The following EFCAB5 variants were observed in gnomAD, a reference collection of about 807,000 sequenced individuals.
EFCAB5 encodes the protein EF-hand calcium-binding domain-containing protein 5.
EFCAB5 carries 131 observed loss-of-function variants against 167.9 expected under a neutral mutation model. The observed-to-expected ratio is 0.78, with a 90% CI of 0.68 to 0.90. The LOEUF (loss-of-function observed/expected upper bound fraction) is 0.90, where lower values mean the gene tolerates loss of function less well. Among genes scored for constraint, EFCAB5 ranks in the 40% least tolerant of loss-of-function variants. The pLI, the probability that EFCAB5 is intolerant of heterozygous loss-of-function variation, is 0.00. For missense variants in EFCAB5, 1,663 were observed against 1,745.2 expected (o/e 0.95, Z 0.84); for synonymous variants, 574 against 602.8 (o/e 0.95, Z 0.70).
intron 7 of EFCAB5, among the ~76,000 whole-genome samples, chr17:30,011,231 G>C (rs8078405): frequency 0.17 from 25,430 of 152,168 alleles, 2,809 homozygotes; most frequent in Non-Finnish European, 0.24. Context: ...TTTGAAGTCA[G>C]GTAGCATGAT....
intron 14 of EFCAB5, among the ~76,000 whole-genome samples, chr17:30,066,735 T>G (rs2070582436): frequency 6.6e-6 from 1 of 151,832 alleles, no homozygotes; most frequent in Non-Finnish European, 1.5e-5. Context: ...AAAAAGTTGG[T>G]TTTGTAAAAG....
chr17:30,059,701 G>A lies in EFCAB5; in HGVS notation c.2737G>A (p.Ala913Thr), dbSNP rs770826543. ...EGMEKESMKK[A>T]KLHIQFPKPH... is the part of the protein sequence containing the mutation. ...AATGGAAAAAGAATCTATGAAGAAA[G>A]GTAAAATATAAGAATGTTCTTATTT... is the stretch of plus-strand genomic sequence containing the variant. Residue 913 changes from alanine (A) to threonine (T), a missense_variant and splice_region_variant, in exon 14 of 23, where the codon GCT (alanine) becomes ACT (threonine). Physicochemically the swap from Ala to Thr is moderately conservative, Grantham distance 58. Transcript: ENST00000394835. 5.0e-6 allele frequency: 8 copies of A among 1,586,660 alleles called. No homozygotes were observed. In the African/African-American group the frequency reaches 8.1e-5, roughly 16 times the overall value.
rs1390371357 is a variant in EFCAB5, at chr17:30,094,517, A to AAAAT, written c.4321+1584_4321+1585insTAAA. Among the ~76,000 whole-genome samples, 253 of 148,554 alleles carry AAAAT rather than the reference A, an allele frequency of 1.7e-3. 3 individuals carry two copies. Among genetic ancestry groups the AAAAT allele is most frequent in the Middle Eastern group, 7.2e-3 (2 of 278 alleles). ...AAAATCTTGTCTCTCCAAAAAAAAA[A>AAAAT]AAAAAAAAAAAAAAAAATAACTGGG... On this transcript the variant is annotated intron_variant, in intron 22 of 22. Transcript: ENST00000394835.
chr17:29,976,123 T>A (rs1411617388), intron 4 of EFCAB5, among the ~76,000 whole-genome samples: 1 of 152,212 alleles, frequency 6.6e-6, no homozygotes, highest in Non-Finnish European at 1.5e-5. Context: ...ATTTTGTCTG[T>A]AAACAAATAT....
intron 22 of EFCAB5, among the ~76,000 whole-genome samples, chr17:30,094,675 C>T (rs1293346489): frequency 6.6e-6 from 1 of 152,094 alleles, no homozygotes; most frequent in Non-Finnish European, 1.5e-5. Flanking sequence ...GAATGAGATC[C>T]TGTCTCAAAA....
At chr17:30,040,494 C>G (rs967527730) in intron 8 of EFCAB5, among the ~76,000 whole-genome samples, 4 of 152,170 alleles carry the variant, frequency 2.6e-5, no homozygotes, top group Non-Finnish European at 5.9e-5. Flanking sequence ...CCTTTTTACC[C>G]TGGCATTTCA....
At chr17:30,074,161 C>T (rs946765108) in intron 14 of EFCAB5, 10 of 152,232 alleles carry the variant, frequency 6.6e-5, no homozygotes, top group African/African-American at 2.2e-4. Context: ...GACAGAGTCT[C>T]ACTCTGTTGC....
At chr17:30,056,987 A>G (rs2070287567) in intron 12 of EFCAB5, among the ~76,000 whole-genome samples, 1 of 152,236 alleles carries the variant, frequency 6.6e-6, no homozygotes, top group Non-Finnish European at 1.5e-5. Flanking sequence ...TGAATGATTG[A>G]ATCAATGAAT....
At chr17:29,997,823 A>C (rs1455270534) in intron 6 of EFCAB5, among the ~76,000 whole-genome samples, 2 of 152,064 alleles carry the variant, frequency 1.3e-5, no homozygotes, top group Non-Finnish European at 2.9e-5. Context: ...AAATTCACCC[A>C]AAAATTTCCA....
chr17:30,010,877 G>A (rs1486024044), intron 7 of EFCAB5, among the ~76,000 whole-genome samples: 3 of 152,140 alleles, frequency 2.0e-5, no homozygotes, highest in Non-Finnish European at 4.4e-5. Context: ...TGAAGTCCTT[G>A]CCCATGCCTA....
chr17:30,097,728 T>C (rs1358756683), intron 22 of EFCAB5, among the ~76,000 whole-genome samples: 1 of 152,246 alleles, frequency 6.6e-6, no homozygotes, highest in African/African-American at 2.4e-5. Context: ...TTGTAGCATA[T>C]TTTGATTCCT....
At position 30,026,961 on chromosome 17, in the gene EFCAB5, CTTTTTTTTTTTTTTTTTTTTTTTTTTTTT is replaced by C. The variant is rs71138868; in HGVS notation, c.1045-7254_1045-7226del. Among the ~76,000 whole-genome samples the C allele has an allele frequency of 6.2e-5, 4 of 64,550 alleles. No individual in the cohort carries two copies. The South Asian group carries it at 2.3e-3, about 37-fold the overall frequency. The allele number at this position is 64,550 out of a possible 152,430, so 42.3% of individuals were successfully genotyped here. On this transcript the variant is annotated intron_variant, in intron 7 of 22. Coordinates refer to ENST00000394835, the MANE Select transcript of EFCAB5 (RefSeq NM_198529.4). Reference sequence around the variant, plus strand: ...ATGATTTCCTTGTACCTCCTTGTACCTTTTTTTTTTTTTTTTTTTTTTTTTTTTTTTTTTTTTTTTTTTGAGATGGAGTC... The same window carrying C: ...ATGATTTCCTTGTACCTCCTTGTACCTTTTTTTTTTTTTTGAGATGGAGTC...
chr17:29,951,049 G>A (rs2151535574), intron 3 of EFCAB5, among the ~76,000 whole-genome samples: 1 of 152,282 alleles, frequency 6.6e-6, no homozygotes, highest in East Asian at 1.9e-4. Context: ...CCCACCCAAA[G>A]CAGTTAATAA....
chr17:30,013,673 T>C (rs545565921), intron 7 of EFCAB5, among the ~76,000 whole-genome samples: 3 of 152,316 alleles, frequency 2.0e-5, no homozygotes, highest in Non-Finnish European at 4.4e-5. Context: ...TTTTATTGCG[T>C]CTATTTGATT....
chr17:30,018,410 G>A (rs1032986709), intron 7 of EFCAB5, among the ~76,000 whole-genome samples: 6 of 151,824 alleles, frequency 4.0e-5, no homozygotes, highest in Non-Finnish European at 8.8e-5. Flanking sequence ...TTGGTATAGA[G>A]CATTTTGTTT....
chr17:29,963,435 G>A (rs1043108212), intron 3 of EFCAB5, among the ~76,000 whole-genome samples: 1 of 152,044 alleles, frequency 6.6e-6, no homozygotes, highest in East Asian at 1.9e-4. Context: ...TTTTACTATG[G>A]TCTTGGATTT....
At chr17:30,104,806 C>T (rs746904824) in intron 22 of EFCAB5, among the ~76,000 whole-genome samples, 1 of 152,120 alleles carries the variant, frequency 6.6e-6, no homozygotes, top group Non-Finnish European at 1.5e-5. Context: ...AACCACCGTC[C>T]AGACACTTTC....
rs55875315 is a variant in EFCAB5, at chr17:29,994,133, A to AATATATAT, written c.924+849_924+856dup. On this transcript the variant is annotated intron_variant, in intron 5 of 22. Coordinates refer to ENST00000394835, the MANE Select transcript of EFCAB5 (RefSeq NM_198529.4). ...AAACAAAACAACAACAACAACAACA[A>AATATATAT]ATATATATATATATATATATATATA... is the stretch of plus-strand genomic sequence containing the variant. 9.8e-3 allele frequency among the ~76,000 whole-genome samples: 544 copies of AATATATAT among 55,742 alleles called. 1 individual carries two copies. The highest frequency in any genetic ancestry group is 0.014 in the East Asian group (20 of 1,474). The allele number at this position is 55,742 out of a possible 152,430, so 36.6% of individuals were successfully genotyped here. A position where few individuals can be genotyped will look rare whatever the true frequency, so the allele number is the denominator to read the frequency against.
At chr17:29,952,959 T>C (rs2067542160) in intron 3 of EFCAB5, among the ~76,000 whole-genome samples, 1 of 152,204 alleles carries the variant, frequency 6.6e-6, no homozygotes. Flanking sequence ...ATATTATTTA[T>C]TGAGAGTTAT....
Sources: allele counts gnomAD v4.1 joint callset (sites outside exome capture counted in the v4.1 genomes callset), GRCh38; gene constraint gnomAD v4.1.1; transcripts MANE v1.5; gene names NCBI Gene and HGNC (gene_info 2026-07-23, HGNC 2026-07-21).